SPC25: variants seen among roughly 807,000 people sequenced by gnomAD.
SPC25 encodes the protein kinetochore protein Spc25.
In SPC25, 22 loss-of-function variants were observed where a neutral mutation model predicts 29.6. The observed-to-expected ratio is 0.74, with a 90% CI of 0.53 to 1.06. The LOEUF is 1.06. Ranked by LOEUF, SPC25 falls within the 50% of genes least tolerant of loss-of-function variation. The pLI is 0.00. For missense variants in SPC25, 230 were observed against 255.8 expected (o/e 0.90, Z 0.69); for synonymous variants, 91 against 90.4 (o/e 1.01, Z -0.04).
chr2:168,884,461 T>G (rs1690225119), intron 3 of SPC25, among the ~76,000 whole-genome samples: 1 of 152,220 alleles, frequency 6.6e-6, no homozygotes, highest in South Asian at 2.1e-4. Flanking sequence ...CTGCAGTATC[T>G]TCCTAGAAGA....
intron 4 of SPC25, among the ~76,000 whole-genome samples, chr2:168,862,928 G>A (rs548668919): frequency 2.7e-4 from 41 of 152,268 alleles, no homozygotes; most frequent in African/African-American, 8.4e-4. Context: ...GTAGCCAAAC[G>A]ACAGGGACAC....
chr2:168,880,169 C>T (rs902538855), intron 3 of SPC25, among the ~76,000 whole-genome samples: 1 of 152,172 alleles, frequency 6.6e-6, no homozygotes, highest in Non-Finnish European at 1.5e-5. Context: ...CAAAGCAGGC[C>T]TTGACTTCTC....
chr2:168,868,198 C>A (rs7369525), downstream of SPC25, among the ~76,000 whole-genome samples: 133,117 of 152,046 alleles, frequency 0.88, 58,470 homozygotes, highest in African/African-American at 0.96. Flanking sequence ...GGGACACATT[C>A]AAAGCAGTGT....
At chr2:168,868,051 C>A (rs1218633876), downstream of SPC25, among the ~76,000 whole-genome samples, 4 of 152,040 alleles carry the variant, frequency 2.6e-5, no homozygotes, top group African/African-American at 9.7e-5. Flanking sequence ...TTAAGAAACT[C>A]ACTCAAAACC....
intron 3 of SPC25, among the ~76,000 whole-genome samples, chr2:168,887,421 C>CAAAAAAAAAAAAAAAAAAAAAAA (rs5836211): frequency 8.8e-4 from 116 of 131,378 alleles, no homozygotes; most frequent in African/African-American, 3.3e-3. Flanking sequence ...GACTCCATCT[C>CAAAAAAAAAAAAAAAAAAAAAAA]AAAAAAAAAA....
intron 3 of SPC25, among the ~76,000 whole-genome samples, chr2:168,881,261 C>T (rs1690173629): frequency 6.6e-6 from 1 of 152,170 alleles, no homozygotes; most frequent in African/African-American, 2.4e-5. Flanking sequence ...TGTACAAGTT[C>T]TTCTTGCCCT....
chr2:168,868,469 T>A (rs201430746), downstream of SPC25, among the ~76,000 whole-genome samples: 4 of 150,916 alleles, frequency 2.7e-5, no homozygotes, highest in South Asian at 2.1e-4. Context: ...CAAGACTAAT[T>A]AAGAAGAAAA....
chr2:168,865,699 A>ATGAT (rs910440555), intron 4 of SPC25, among the ~76,000 whole-genome samples: 33 of 152,344 alleles, frequency 2.2e-4, no homozygotes, highest in Admixed American at 3.3e-4. Flanking sequence ...TGCAGATGAC[A>ATGAT]TGATTGTATA....
At chr2:168,889,189 C>T in intron 3 of SPC25, 37 bp downstream of exon 3, 1 of 1,570,296 alleles carries the variant, frequency 6.4e-7, no homozygotes, top group Non-Finnish European at 8.7e-7. Flanking sequence ...GATGTTTTAT[C>T]TAAAAAAAAC....
At chr2:168,863,688 T>C in intron 4 of SPC25, 1 of 982,286 alleles carries the variant, frequency 1.0e-6, no homozygotes, top group Non-Finnish European at 1.2e-6. Flanking sequence ...GTTAAACTTT[T>C]GGCCTGTGAA....
intron 3 of SPC25, among the ~76,000 whole-genome samples, chr2:168,880,443 T>C (rs900576765): frequency 6.6e-6 from 1 of 152,226 alleles, no homozygotes; most frequent in Admixed American, 6.5e-5. Flanking sequence ...CTTCACAGAA[T>C]TGAAGAGGGC....
Position 168,886,761 on chromosome 2 carries a change from C to T in SPC25, c.199+2465G>A, listed in dbSNP as rs185769097. ...GTCTTGATCTCCTGACCTCGTGATCCGCCCGCCTCAGCCTCCCAAAGTGCT... is the reference window on the plus strand; with the variant it reads ...GTCTTGATCTCCTGACCTCGTGATCTGCCCGCCTCAGCCTCCCAAAGTGCT... On this transcript the variant is annotated intron_variant, in intron 3 of 6. Coordinates refer to ENST00000282074, the MANE Select transcript of SPC25 (RefSeq NM_020675.4). 4.4e-3 allele frequency among the ~76,000 whole-genome samples: 673 copies of T among 152,082 alleles called. 2 individuals carry two copies. Among genetic ancestry groups the T allele is most frequent in the African/African-American group, 0.015 (641 of 41,500 alleles).
At chr2:168,865,649 G>C (rs1339483918) in intron 4 of SPC25, 1 of 152,148 alleles carries the variant, frequency 6.6e-6, no homozygotes, top group Admixed American at 6.6e-5. Flanking sequence ...GAAATAAAGG[G>C]CATTCAATTA....
At chr2:168,875,062 T>C (rs1439540813) in intron 5 of SPC25, among the ~76,000 whole-genome samples, 2 of 152,152 alleles carry the variant, frequency 1.3e-5, no homozygotes, top group Non-Finnish European at 2.9e-5. Context: ...ATCAAAATAT[T>C]CATGTGTTTT....
downstream of SPC25, among the ~76,000 whole-genome samples, chr2:168,869,469 G>T (rs1689937166): frequency 6.6e-6 from 1 of 152,178 alleles, no homozygotes; most frequent in African/African-American, 2.4e-5. Flanking sequence ...CATCGTCTCA[G>T]CCCAAAATCT....
At position 168,871,545 on chromosome 2, in the gene SPC25, A is replaced by G; in HGVS notation, c.561T>C (p.Ser187=). Residue 187 remains serine (S), a synonymous_variant, in exon 7 of 7, where the codon AGT becomes AGC. Transcript: ENST00000282074. The part of the protein sequence containing the change: ...NEARDYEVSD[S]APHLEGLAEF... ...CTGCTAGGCCCTCAAGATGAGGGGC[A>G]CTATCTGACACTAGAAAAAAAAAAA... The G allele has an allele frequency of 2.0e-6, 3 of 1,532,294 alleles. No homozygotes were observed. The highest frequency in any genetic ancestry group is 2.6e-6 in the Non-Finnish European group (3 of 1,152,374). The allele number at this position is 1,532,294 out of a possible 1,614,324, so 94.9% of individuals were successfully genotyped here.
At chr2:168,865,782 C>A (rs989191430) in intron 4 of SPC25, among the ~76,000 whole-genome samples, 5 of 144,248 alleles carry the variant, frequency 3.5e-5, no homozygotes, top group Admixed American at 3.5e-4. Flanking sequence ...TCTCAAGATA[C>A]AAAATCAATG....
intron 5 of SPC25, 97 bp from the exon 6 acceptor site, chr2:168,873,780 A>AC: frequency 2.9e-6 from 2 of 692,076 alleles, no homozygotes; most frequent in South Asian, 2.0e-5. Context: ...CTAAGTATAT[A>AC]CAGTCATGTA....
chr2:168,863,645 G>C (rs1023237285), intron 4 of SPC25: 1 of 961,960 alleles, frequency 1.0e-6, no homozygotes, highest in Non-Finnish European at 1.2e-6. Flanking sequence ...ATTTTGAATG[G>C]GGAGTTACAT....
Sources: allele counts gnomAD v4.1 joint callset (sites outside exome capture counted in the v4.1 genomes callset), GRCh38; gene constraint gnomAD v4.1.1; transcripts MANE v1.5; gene names NCBI Gene and HGNC (gene_info 2026-07-23, HGNC 2026-07-21).